The following RAB38 variants were observed in gnomAD, a reference collection of about 807,000 sequenced individuals.
The protein encoded by RAB38 is RAB38, member RAS oncogene family.
A neutral mutation model predicts 18.4 loss-of-function variants in RAB38; 15 were observed. That is an observed-to-expected ratio of 0.82 (90% CI 0.55 to 1.26). RAB38 has a LOEUF of 1.26. Among genes scored for constraint, RAB38 ranks in the 50% most tolerant of loss-of-function variants. RAB38 has a pLI of 0.00. For missense variants in RAB38, 294 were observed against 267.4 expected (o/e 1.10, Z -0.69); for synonymous variants, 101 against 104.4 (o/e 0.97, Z 0.20).
chr11:87,967,560 TGGTTAAGC>T, the RAB38 span, among the ~76,000 whole-genome samples: 18 of 152,298 alleles, frequency 1.2e-4, no homozygotes, highest in African/African-American at 3.1e-4. Context: ...ATAAGCCTAA[TGGTTAAGC>T]CCAATGCAAT....
the RAB38 span, among the ~76,000 whole-genome samples, chr11:88,044,814 C>T: frequency 1.3e-5 from 2 of 152,078 alleles, 1 homozygote; most frequent in South Asian, 4.1e-4. Flanking sequence ...TGACCTCTCC[C>T]CTCCTCCCCA....
chr11:88,146,299 T>C (rs928846633), intron 2 of RAB38, among the ~76,000 whole-genome samples: 2 of 152,190 alleles, frequency 1.3e-5, no homozygotes, highest in African/African-American at 4.8e-5. Context: ...AAGCTGATGA[T>C]GATACCTGAA....
chr11:87,930,134 C>G, the RAB38 span, among the ~76,000 whole-genome samples: 7 of 151,944 alleles, frequency 4.6e-5, no homozygotes, highest in African/African-American at 1.7e-4. Flanking sequence ...CCTGAGGAAT[C>G]GCCACACTGA....
At chr11:88,026,670 A>G in the RAB38 span, among the ~76,000 whole-genome samples, 5,830 of 150,898 alleles carry the variant, frequency 0.039, 144 homozygotes, top group Middle Eastern at 0.068. Context: ...GAGCCACTGC[A>G]CCCGGCCGTT....
the RAB38 span, among the ~76,000 whole-genome samples, chr11:88,079,787 GA>G: frequency 3.3e-5 from 5 of 149,760 alleles, no homozygotes; most frequent in Non-Finnish European, 6.0e-5. Context: ...TCATAAAAAA[GA>G]AAAAAAATAT....
At chr11:88,129,421 A>C (rs1038537522) in intron 2 of RAB38, among the ~76,000 whole-genome samples, 1 of 152,158 alleles carries the variant, frequency 6.6e-6, no homozygotes, top group Non-Finnish European at 1.5e-5. Flanking sequence ...TGGGCGGATC[A>C]CTTGAGGTCA....
the RAB38 span, among the ~76,000 whole-genome samples, chr11:87,819,248 C>T: frequency 6.6e-6 from 1 of 152,152 alleles, no homozygotes; most frequent in Non-Finnish European, 1.5e-5. Context: ...GTTGCCTCAA[C>T]CTTTGAAGTG....
the RAB38 span, among the ~76,000 whole-genome samples, chr11:87,840,112 G>T: frequency 1.3e-5 from 2 of 152,130 alleles, no homozygotes; most frequent in African/African-American, 2.4e-5. Flanking sequence ...CTACTATTTG[G>T]TGGAAAGGAG....
At chr11:88,080,976 GAAAC>G in the RAB38 span, among the ~76,000 whole-genome samples, 2 of 151,328 alleles carry the variant, frequency 1.3e-5, no homozygotes, top group Non-Finnish European at 3.0e-5. Context: ...AACTCAATAG[GAAAC>G]AAACAAACAA....
At chr11:87,810,287 T>A in the RAB38 span, among the ~76,000 whole-genome samples, 1 of 152,188 alleles carries the variant, frequency 6.6e-6, no homozygotes, top group Non-Finnish European at 1.5e-5. Context: ...GGTCTTACTA[T>A]GTTGCCCAGG....
chr11:88,114,653 T>C (rs529615104), intron 2 of RAB38, among the ~76,000 whole-genome samples: 1 of 152,320 alleles, frequency 6.6e-6, no homozygotes, highest in East Asian at 1.9e-4. Context: ...AACTTAGCCA[T>C]GGACATGTGA....
At chr11:88,079,044 A>C in the RAB38 span, among the ~76,000 whole-genome samples, 2 of 151,848 alleles carry the variant, frequency 1.3e-5, no homozygotes, top group African/African-American at 4.8e-5. Context: ...AGTAGGAAAA[A>C]AATAGAGCAA....
the RAB38 span, among the ~76,000 whole-genome samples, chr11:88,053,829 A>C: frequency 6.8e-6 from 1 of 147,914 alleles, no homozygotes; most frequent in African/African-American, 2.5e-5. Context: ...TAGCAAAGTC[A>C]CTGGCCAGGT....
chr11:88,020,970 T>C, the RAB38 span, among the ~76,000 whole-genome samples: 108,020 of 151,924 alleles, frequency 0.71, 38,588 homozygotes, highest in East Asian at 0.76. Flanking sequence ...GGGAAATTTA[T>C]AGTGAAAAGT....
chr11:88,128,777 C>G (rs2134791597), intron 2 of RAB38, among the ~76,000 whole-genome samples: 1 of 152,308 alleles, frequency 6.6e-6, no homozygotes, highest in Non-Finnish European at 1.5e-5. Context: ...ATACTCAAGA[C>G]TAGAACAATT....
intron 2 of RAB38, among the ~76,000 whole-genome samples, chr11:88,137,295 A>T (rs184256258): frequency 1.3e-5 from 2 of 152,356 alleles, no homozygotes; most frequent in East Asian, 3.9e-4. Flanking sequence ...TAGAAGAACA[A>T]AAGTAGACTG....
the RAB38 span, among the ~76,000 whole-genome samples, chr11:88,034,452 A>C: frequency 2.0e-5 from 3 of 152,232 alleles, no homozygotes; most frequent in African/African-American, 7.2e-5. Context: ...TGGCTGTAAC[A>C]GTTTACATTC....
At chr11:87,812,025 A>T in the RAB38 span, among the ~76,000 whole-genome samples, 1 of 152,342 alleles carries the variant, frequency 6.6e-6, no homozygotes, top group East Asian at 1.9e-4. Flanking sequence ...TCTGGCTCCA[A>T]AAAGCTTTGC....
At chr11:88,019,043 T>C in the RAB38 span, among the ~76,000 whole-genome samples, 3 of 152,194 alleles carry the variant, frequency 2.0e-5, no homozygotes, top group Non-Finnish European at 4.4e-5. Flanking sequence ...CTTTGATGAA[T>C]TATTTTTATC....
Sources: allele counts gnomAD v4.1 joint callset (sites outside exome capture counted in the v4.1 genomes callset), GRCh38; gene constraint gnomAD v4.1.1; transcripts MANE v1.5; gene names NCBI Gene and HGNC (gene_info 2026-07-23, HGNC 2026-07-21).